The following KNOP1 variants were observed in gnomAD, a reference collection of about 807,000 sequenced individuals.
The protein encoded by KNOP1 is lysine-rich nucleolar protein 1.
KNOP1 carries 20 observed loss-of-function variants against 30.6 expected under a neutral mutation model. The observed-to-expected ratio is 0.65, with a 90% CI of 0.46 to 0.95. The LOEUF is 0.95. KNOP1 is among the 40% of genes least tolerant of loss of function. The pLI, the probability that KNOP1 is intolerant of heterozygous loss-of-function variation, is 0.00. For synonymous variants in KNOP1, 204 were observed against 210.0 expected (o/e 0.97, Z 0.25); for missense variants, 540 against 562.0 (o/e 0.96, Z 0.40).
chr16:19,707,022 C>T lies in KNOP1; in HGVS notation c.1265G>A (p.Arg422Gln), dbSNP rs563764304. 5.1e-5 allele frequency: 83 copies of T among 1,614,116 alleles called. No individual in the cohort carries two copies. In the African/African-American group the frequency reaches 6.4e-4, roughly 12 times the overall value. The change falls in exon 5 of 5, where the codon CGG becomes CAG. Residue 422 changes from arginine to glutamine, a missense_variant. By Grantham distance (43) the Arg-to-Gln change is conservative. Transcript: ENST00000219837. ...CCGGCTGTACTTCCAGCTCATGGCC[C>T]GGTCGTAGTCCCGCTGCAGATTCTG... Reference protein sequence around the residue: ...LQQNLQRDYDRAMSWKYSRGA... With the variant: ...LQQNLQRDYDQAMSWKYSRGA...
At position 19,706,830 on chromosome 16, in the gene KNOP1, C is replaced by CA. The variant is rs912593823; in HGVS notation, c.*79dup. The CA allele has an allele frequency of 2.6e-5, 39 of 1,502,414 alleles. No individual in the cohort carries two copies. The highest frequency in any genetic ancestry group is 2.3e-4 in the African/African-American group (16 of 70,920). 93.1% of individuals were successfully genotyped at this position (1,502,414 alleles called of 1,614,324 possible). On this transcript the variant is annotated 3_prime_UTR_variant, in exon 5 of 5. Coordinates refer to ENST00000219837, the MANE Select transcript of KNOP1 (RefSeq NM_001012991.3). ...TCCTCACCAAGATCTGATTTTTTCA[C>CA]AAAAAAAATTTGTAATCTCCAGCAT...
chr16:19,709,633 G>A (rs1354743772), intron 4 of KNOP1, among the ~76,000 whole-genome samples: 2 of 152,118 alleles, frequency 1.3e-5, no homozygotes, highest in African/African-American at 4.8e-5. Context: ...CTTCCCTACA[G>A]ATCACTCCAG....
chr16:19,712,022 C>T (rs1976747578), intron 2 of KNOP1: 1 of 153,794 alleles, frequency 6.5e-6, no homozygotes, highest in African/African-American at 2.4e-5. Flanking sequence ...CCCTGGAAGC[C>T]CTCTCCATTC....
At chr16:19,716,925 C>T (rs1977142631) in intron 1 of KNOP1, among the ~76,000 whole-genome samples, 1 of 152,226 alleles carries the variant, frequency 6.6e-6, no homozygotes, top group African/African-American at 2.4e-5. Context: ...TCACTGCAAC[C>T]TCCACCTCCC....
chr16:19,706,848 T>C lies in KNOP1; in HGVS notation c.*62A>G. 6.4e-7 allele frequency: 1 copy of C among 1,553,900 alleles called. No individual in the cohort carries two copies. The highest frequency in any genetic ancestry group is 8.7e-7 in the Non-Finnish European group (1 of 1,148,444). On this transcript the variant is annotated 3_prime_UTR_variant, in exon 5 of 5. Transcript: ENST00000219837. ...TTTTTCACAAAAAAAATTTGTAATC[T>C]CCAGCATAAATGGAATAATCAAAGC...
chr16:19,714,858 C>G lies in KNOP1; in HGVS notation c.178G>C (p.Glu60Gln), dbSNP rs1489418112. 6.2e-7 allele frequency: 1 copy of G among 1,613,722 alleles called. No homozygotes were observed. The change falls in exon 2 of 5, where the codon GAG becomes CAG. Residue 60 changes from glutamate (E) to glutamine (Q), a missense_variant. Transcript: ENST00000219837. ...SKSVAHGQAP[E>Q]MPLVKKKKKK... Reference sequence around the variant, plus strand: ...TTCTTTTTCTTCACTAGAGGCATCTCAGGTGCCTGCCCATGGGCCACACTC... The same window carrying G: ...TTCTTTTTCTTCACTAGAGGCATCTGAGGTGCCTGCCCATGGGCCACACTC...
In KNOP1 at chr16:19,707,003, G is replaced by A; in HGVS notation, c.1284C>T (p.Tyr428=). 1 of 1,614,082 alleles carries A rather than the reference G, an allele frequency of 6.2e-7. No individual in the cohort carries two copies. Among genetic ancestry groups the A allele is most frequent in the Non-Finnish European group, 8.5e-7 (1 of 1,180,034 alleles). The change falls in exon 5 of 5, where the codon TAC becomes TAT. Residue 428 remains tyrosine (Y), a synonymous_variant. Coordinates refer to ENST00000219837, the MANE Select transcript of KNOP1 (RefSeq NM_001012991.3). ...AGAAGCCGAGGCCGGCTCCCCGGCT[G>A]TACTTCCAGCTCATGGCCCGGTCGT... ...RDYDRAMSWK[Y]SRGAGLGFST...
chr16:19,706,948 C>T lies in KNOP1; in HGVS notation c.1339G>A (p.Asp447Asn), dbSNP rs1456708226. The change falls in exon 5 of 5, where the codon GAC becomes AAC. Residue 447 changes from aspartate to asparagine, a missense_variant. By Grantham distance (23) the Asp-to-Asn change is conservative (BLOSUM62 1). Transcript: ENST00000219837. ...TTGACTGACTTGGAAGCGTTCCTGT[C>T]AATGTAAAAGATCTTGTTGGGGGCG... ...STAPNKIFYIDRNASKSVKLE... is the reference protein window; with the variant it reads ...STAPNKIFYINRNASKSVKLE... 1.2e-6 allele frequency: 2 copies of T among 1,613,028 alleles called. No individual in the cohort carries two copies. The highest frequency in any genetic ancestry group is 1.3e-5 in the African/African-American group (1 of 74,898).
intron 4 of KNOP1, among the ~76,000 whole-genome samples, chr16:19,708,611 C>T (rs747128355): frequency 2.0e-5 from 3 of 152,184 alleles, no homozygotes; most frequent in Non-Finnish European, 2.9e-5. Flanking sequence ...CCCAACCAGA[C>T]TGCTGACATC....
At chr16:19,711,320 C>T in intron 3 of KNOP1, 52 bp downstream of exon 3, 2 of 1,580,034 alleles carry the variant, frequency 1.3e-6, no homozygotes, top group Non-Finnish European at 1.7e-6. Flanking sequence ...AAGTGAGACT[C>T]CAAGGGTGGC....
At chr16:19,710,676 G>C (rs1976666685) in intron 3 of KNOP1, 90 bp from the exon 4 acceptor site, 1 of 1,015,948 alleles carries the variant, frequency 9.8e-7, no homozygotes, top group Non-Finnish European at 1.5e-6. Context: ...TGGGGGAACG[G>C]AACGTGGGAG....
intron 2 of KNOP1, among the ~76,000 whole-genome samples, chr16:19,712,759 G>C (rs1976785997): frequency 6.6e-6 from 1 of 152,236 alleles, no homozygotes. Flanking sequence ...ACTGTCTGGA[G>C]CAGGACACAC....
intron 2 of KNOP1, among the ~76,000 whole-genome samples, chr16:19,712,507 T>C (rs1007820600): frequency 1.3e-4 from 20 of 152,170 alleles, no homozygotes; most frequent in African/African-American, 4.8e-4. Context: ...AAGGGATAAA[T>C]GCCAACTTCA....
At chr16:19,715,583 AT>A (rs962774606) in intron 1 of KNOP1, among the ~76,000 whole-genome samples, 8 of 147,808 alleles carry the variant, frequency 5.4e-5, no homozygotes, top group East Asian at 2.0e-4. Flanking sequence ...TGCCCAGCTA[AT>A]TTTTTTTTTC....
In KNOP1 at chr16:19,710,591, G is replaced by A. The variant is rs751067592; in HGVS notation, c.988-5C>T. On this transcript the variant is annotated splice_region_variant and splice_polypyrimidine_tract_variant and intron_variant, in intron 3 of 4. Coordinates refer to ENST00000219837, the MANE Select transcript of KNOP1 (RefSeq NM_001012991.3). ...TTGCAAGGCCTTTCGCCTCACCTGA[G>A]CAAGAAGGATGACAGAAGAGGGCCG... 8.7e-6 allele frequency: 14 copies of A among 1,611,386 alleles called. No individual in the cohort carries two copies. Among genetic ancestry groups the A allele is most frequent in the Non-Finnish European group, 1.2e-5 (14 of 1,179,332 alleles).
chr16:19,710,680 G>T (rs59522553), intron 3 of KNOP1, 94 bp from the exon 4 acceptor site: 2 of 978,168 alleles, frequency 2.0e-6, no homozygotes, highest in Non-Finnish European at 3.2e-6. Flanking sequence ...GGAACGGAAC[G>T]TGGGAGGAAC....
Position 19,714,559 on chromosome 16 carries a change from C to G in KNOP1, c.477G>C (p.Gln159His). Residue 159 changes from glutamine to histidine, a missense_variant, in exon 2 of 5, where the codon CAG becomes CAC. Physicochemically the swap from Gln to His is conservative, Grantham distance 24. Coordinates refer to ENST00000219837, the MANE Select transcript of KNOP1 (RefSeq NM_001012991.3). ...KKHKKEKKGA[Q>H]DPTAFSVQDP... The stretch of plus-strand genomic sequence containing the variant: ...CCTGGACCGAGAAGGCTGTGGGGTC[C>G]TGGGCCCCCTTTTTTTCCTTCTTGT... The G allele has an allele frequency of 6.2e-7, 1 of 1,614,194 alleles. No homozygotes were observed. Among genetic ancestry groups the G allele is most frequent in the South Asian group, 1.1e-5 (1 of 91,084 alleles).
At chr16:19,708,876 T>C (rs895179727) in intron 4 of KNOP1, among the ~76,000 whole-genome samples, 14 of 152,140 alleles carry the variant, frequency 9.2e-5, no homozygotes, top group African/African-American at 2.7e-4. Flanking sequence ...TAGCTGGTCC[T>C]GCGTGAACCA....
intron 1 of KNOP1, chr16:19,716,381 AG>A (rs1364208827): frequency 6.6e-6 from 1 of 152,370 alleles, no homozygotes; most frequent in Non-Finnish European, 1.5e-5. Flanking sequence ...TGCTAAGGTC[AG>A]GGTGGTGGAG....
Sources: allele counts gnomAD v4.1 joint callset (sites outside exome capture counted in the v4.1 genomes callset), GRCh38; gene constraint gnomAD v4.1.1; transcripts MANE v1.5; gene names NCBI Gene and HGNC (gene_info 2026-07-23, HGNC 2026-07-21).